Variants in CYP4F3 observed in about 807,000 individuals in gnomAD.
CYP4F3 encodes cytochrome P450 family 4 subfamily F member 3.
In CYP4F3, 50 loss-of-function variants were observed where a neutral mutation model predicts 54.8. That is an observed-to-expected ratio of 0.91 (90% CI 0.73 to 1.16). The LOEUF (loss-of-function observed/expected upper bound fraction) is 1.16, where lower values mean the gene tolerates loss of function less well. Ranked by LOEUF, CYP4F3 falls within the 50% of genes most tolerant of loss-of-function variation. CYP4F3 has a pLI of 0.00. For missense variants in CYP4F3, 715 were observed against 676.2 expected (o/e 1.06, Z -0.64); for synonymous variants, 244 against 262.6 (o/e 0.93, Z 0.69).
At chr19:15,649,636 G>A (rs1459020185) in intron 6 of CYP4F3, among the ~76,000 whole-genome samples, 1 of 152,150 alleles carries the variant, frequency 6.6e-6, no homozygotes, top group Non-Finnish European at 1.5e-5. Flanking sequence ...GGGCAAGACT[G>A]TATACTGGGA....
intron 2 of CYP4F3, chr19:15,644,159 C>T (rs1972557703): frequency 2.3e-6 from 3 of 1,308,186 alleles, no homozygotes; most frequent in Non-Finnish European, 3.0e-6. Context: ...TCTCTCCTTT[C>T]CTTCTCTCTC....
rs1555742633 is a variant in CYP4F3 at position 15,650,878 on chromosome 19, C to CTCTCTCTG, written c.918+700_918+701insCTGTCTCT. Among the ~76,000 whole-genome samples the CTCTCTCTG allele has an allele frequency of 2.4e-5, 2 of 84,234 alleles. 1 individual carries two copies. The highest frequency in any genetic ancestry group is 1.1e-4 in the African/African-American group (2 of 18,822). 55.3% of individuals were successfully genotyped at this position (84,234 alleles called of 152,430 possible). A position where few individuals can be genotyped will look rare whatever the true frequency, so the allele number is the denominator to read the frequency against. On this transcript the variant is annotated intron_variant, in intron 7 of 12. Coordinates refer to ENST00000221307, the MANE Select transcript of CYP4F3 (RefSeq NM_000896.3). The stretch of plus-strand genomic sequence containing the variant: ...TCTTTCTTTCTTTCTTTTTCTCTCT[C>CTCTCTCTG]TCTCTTTCCTTTTTTTGACGGAGTC...
At chr19:15,650,690 TTCTTTC>T (rs1271799767) in intron 7 of CYP4F3, among the ~76,000 whole-genome samples, 1 of 69,914 alleles carries the variant, frequency 1.4e-5, no homozygotes, top group Non-Finnish European at 2.6e-5. Flanking sequence ...CTTTCTTTCT[TTCTTTC>T]TTTCTTTCTT....
At chr19:15,647,410 T>TG in intron 5 of CYP4F3, 86 bp downstream of exon 5, 1 of 1,578,558 alleles carries the variant, frequency 6.3e-7, no homozygotes, top group South Asian at 1.2e-5. Context: ...TTGGCTCTGC[T>TG]GGGTGCCTCT....
At chr19:15,653,716 CG>C (rs1009043247) in intron 9 of CYP4F3, among the ~76,000 whole-genome samples, 34 of 129,806 alleles carry the variant, frequency 2.6e-4, no homozygotes, top group Non-Finnish European at 4.8e-4. Flanking sequence ...CTGGGGTCTT[CG>C]GGGGAGGAAG....
At chr19:15,652,305 A>G (rs975926408) in intron 7 of CYP4F3, among the ~76,000 whole-genome samples, 1 of 152,030 alleles carries the variant, frequency 6.6e-6, no homozygotes, top group Non-Finnish European at 1.5e-5. Context: ...GAAAGTTTTC[A>G]TCAAGCAGAA....
rs1224683184 is a variant in CYP4F3, at chr19:15,651,325, CTG to C, written c.918+1146_918+1147del. Among the ~76,000 whole-genome samples the C allele has an allele frequency of 3.7e-5, 5 of 136,248 alleles. 1 individual carries two copies. Among genetic ancestry groups the C allele is most frequent in the Admixed American group, 3.7e-4 (5 of 13,662 alleles). 89.4% of individuals were successfully genotyped at this position (136,248 alleles called of 152,430 possible). The stretch of plus-strand genomic sequence containing the variant: ...TATGTCTATGTCCATGTTTTTTTGT[CTG>C]TGTCTATGATTATGTCTATGTCAAT... On this transcript the variant is annotated intron_variant, in intron 7 of 12. Transcript: ENST00000221307.
intron 9 of CYP4F3, 39 bp downstream of exon 9, chr19:15,652,991 T>C: frequency 6.4e-7 from 1 of 1,566,736 alleles, no homozygotes. Flanking sequence ...TGAGCCTGTC[T>C]CATTGGCTCT....
At chr19:15,656,676 C>T (rs1973029745) in intron 9 of CYP4F3, among the ~76,000 whole-genome samples, 1 of 151,946 alleles carries the variant, frequency 6.6e-6, no homozygotes, top group Non-Finnish European at 1.5e-5. Context: ...TATTATCTAT[C>T]TCTCTACTTA....
At chr19:15,657,762 G>A (rs1359192166) in intron 9 of CYP4F3, among the ~76,000 whole-genome samples, 1 of 152,100 alleles carries the variant, frequency 6.6e-6, no homozygotes, top group East Asian at 1.9e-4. Context: ...ACGTGTTGAT[G>A]TTATTTGCTT....
Position 15,650,842 on chromosome 19 carries a change from C to T in CYP4F3, c.918+659C>T, listed in dbSNP as rs1174264036. 9.2e-5 allele frequency among the ~76,000 whole-genome samples: 5 copies of T among 54,110 alleles called. 2 individuals carry two copies. Among genetic ancestry groups the T allele is most frequent in the African/African-American group, 4.5e-4 (5 of 11,230 alleles). 35.5% of individuals were successfully genotyped at this position (54,110 alleles called of 152,430 possible). A position where few individuals can be genotyped will look rare whatever the true frequency, so the allele number is the denominator to read the frequency against. ...TCTTTCTTTCTTTCTTTCTTTCTTT[C>T]TTTCTTTCTTTCTTTCTTTCTTTCT... On this transcript the variant is annotated intron_variant, in intron 7 of 12. Transcript: ENST00000221307.
At position 15,658,506 on chromosome 19, in the gene CYP4F3, T is replaced by G; in HGVS notation, c.1265T>G (p.Ile422Ser). The change falls in exon 11 of 13, where the codon ATC (isoleucine) becomes AGC (serine). Residue 422 changes from isoleucine to serine, a missense_variant. Physicochemically the swap from Ile to Ser is moderately radical, Grantham distance 142. Transcript: ENST00000221307. ...RVIPKGIICL[I>S]SVFGTHHNPA... ...TCTCCCACAGGCATTATCTGCCTCATCAGTGTTTTTGGAACCCATCACAAC... is the reference window on the plus strand; with the variant it reads ...TCTCCCACAGGCATTATCTGCCTCAGCAGTGTTTTTGGAACCCATCACAAC... The G allele has an allele frequency of 6.2e-7, 1 of 1,614,182 alleles. No individual in the cohort carries two copies. The highest frequency in any genetic ancestry group is 1.3e-5 in the African/African-American group (1 of 75,048).
chr19:15,647,793 A>G (rs1296726536), intron 5 of CYP4F3, among the ~76,000 whole-genome samples: 1 of 152,078 alleles, frequency 6.6e-6, no homozygotes, highest in Non-Finnish European at 1.5e-5. Flanking sequence ...GTTCTCTCAC[A>G]TGTTTGGGTT....
intron 7 of CYP4F3, among the ~76,000 whole-genome samples, chr19:15,650,684 C>CTTTCTTTCTTTCTTTTTTCTTTCTTTCTT (rs1568397563): frequency 2.9e-5 from 2 of 70,022 alleles, no homozygotes; most frequent in African/African-American, 1.5e-4. Flanking sequence ...TTCTTTCTTT[C>CTTTCTTTCTTTCTTTTTTCTTTCTTTCTT]TTTCTTTCTT....
intron 9 of CYP4F3, among the ~76,000 whole-genome samples, chr19:15,655,617 C>T (rs980006378): frequency 1.3e-5 from 2 of 152,210 alleles, no homozygotes; most frequent in East Asian, 1.9e-4. Context: ...CCGATGCCCA[C>T]ATTTATATGA....
In CYP4F3 at chr19:15,659,643, T is replaced by C; in HGVS notation, c.*258T>C. The C allele has an allele frequency of 3.6e-6, 2 of 562,794 alleles. No individual in the cohort carries two copies. The highest frequency in any genetic ancestry group is 6.1e-6 in the Non-Finnish European group (2 of 325,770). The allele number at this position is 562,794 out of a possible 1,614,324, so 34.9% of individuals were successfully genotyped here. A position where few individuals can be genotyped will look rare whatever the true frequency, so the allele number is the denominator to read the frequency against. ...GAAAGGATAAACAAAATATGGTCCA[T>C]CCATACAATGGAGTATTACACAGCC... On this transcript the variant is annotated 3_prime_UTR_variant, in exon 13 of 13. Coordinates refer to ENST00000221307, the MANE Select transcript of CYP4F3 (RefSeq NM_000896.3).
intron 2 of CYP4F3, 41 bp downstream of exon 2, chr19:15,641,654 A>G (rs746907572): frequency 8.5e-7 from 1 of 1,175,506 alleles, no homozygotes; most frequent in Non-Finnish European, 1.2e-6. Flanking sequence ...CTCAGGGTGG[A>G]TGGACTTCCT....
Position 15,661,632 on chromosome 19 carries a change from G to A in CYP4F3, c.*2247G>A, listed in dbSNP as rs1488906983. ...GTTTGCCTTCTTATTGTTGGATTTT[G>A]AGAGTTCTATGTACAAGTCCTTTGT... On this transcript the variant is annotated 3_prime_UTR_variant, in exon 13 of 13. Transcript: ENST00000221307. 6.6e-6 allele frequency: 1 copy of A among 152,178 alleles called. No homozygotes were observed. Among genetic ancestry groups the A allele is most frequent in the African/African-American group, 2.4e-5 (1 of 41,444 alleles). The allele number at this position is 152,178 out of a possible 1,614,324, so 9.4% of individuals were successfully genotyped here.
chr19:15,649,197 G>T lies in CYP4F3; in HGVS notation c.563G>T (p.Arg188Leu). Residue 188 changes from arginine to leucine, a missense_variant, in exon 6 of 13, where the codon CGT (arginine) becomes CTT (leucine). Arg to Leu is a moderately radical substitution (Grantham distance 102). Transcript: ENST00000221307. ...CTCCTGGCCTCAGAGGGTAGTGCCC[G>T]TCTGGACATGTTTGAGCACATCAGC... ...WQLLASEGSARLDMFEHISLM... is the reference protein window; with the variant it reads ...WQLLASEGSALLDMFEHISLM... 1 of 1,613,426 alleles carries T rather than the reference G, an allele frequency of 6.2e-7. No homozygotes were observed.
Sources: gnomAD v4.1 joint callset for allele counts (sites outside exome capture counted in the v4.1 genomes callset) on GRCh38, gnomAD v4.1.1 for gene constraint, MANE v1.5 for transcripts, NCBI Gene and HGNC (gene_info 2026-07-23, HGNC 2026-07-21) for gene names.